ASCC3: variants seen among roughly 807,000 people sequenced by gnomAD.
ASCC3 encodes ASC-1 complex subunit P200.
ASCC3 carries 158 observed loss-of-function variants against 256.3 expected under a neutral mutation model. The observed-to-expected ratio is 0.62, with a 90% CI of 0.54 to 0.70. The LOEUF (loss-of-function observed/expected upper bound fraction) is 0.70, where lower values mean the gene tolerates loss of function less well. Among genes scored for constraint, ASCC3 ranks in the 30% least tolerant of loss-of-function variants. The pLI is 0.00. For missense variants in ASCC3, 2,259 were observed against 2,626.0 expected, an observed-to-expected ratio of 0.86 and a Z score of 3.05; for synonymous variants, 948 against 883.4, an observed-to-expected ratio of 1.07 and a Z score of -1.30.
intron 36 of ASCC3, among the ~76,000 whole-genome samples, chr6:100,559,606 T>C (rs984429829): frequency 6.6e-6 from 1 of 152,112 alleles, no homozygotes; most frequent in Non-Finnish European, 1.5e-5. Context: ...TCCTAGCACT[T>C]TGGGAGGCCA....
chr6:100,598,822 T>C (rs13206933), intron 34 of ASCC3, among the ~76,000 whole-genome samples: 1 of 152,134 alleles, frequency 6.6e-6, no homozygotes, highest in African/African-American at 2.4e-5. Context: ...ACCCCCTATA[T>C]AATACATTTA....
intron 4 of ASCC3, among the ~76,000 whole-genome samples, chr6:100,822,536 CAAAA>C (rs34408420): frequency 1.6e-4 from 18 of 113,076 alleles, no homozygotes; most frequent in Admixed American, 3.6e-4. Flanking sequence ...ACTCCGTCTC[CAAAA>C]AAAAAAAAAA....
At position 100,608,179 on chromosome 6, in the gene ASCC3, T is replaced by TA. The variant is rs1491215966; in HGVS notation, c.4786-1092_4786-1091insT. Among the ~76,000 whole-genome samples the TA allele has an allele frequency of 2.0e-4, 24 of 118,288 alleles. 2 individuals are homozygous for TA. The highest frequency in any genetic ancestry group is 6.9e-4 in the African/African-American group (21 of 30,270). 77.6% of individuals were successfully genotyped at this position (118,288 alleles called of 152,430 possible). A position where few individuals can be genotyped will look rare whatever the true frequency, so the allele number is the denominator to read the frequency against. On this transcript the variant is annotated intron_variant, in intron 30 of 41. Transcript: ENST00000369162. ...ACATATTTATATACATATTTATATA[T>TA]GTGTGTGTATATATATACTTTATAT...
intron 34 of ASCC3, among the ~76,000 whole-genome samples, chr6:100,597,973 CAAAAA>C (rs34634494): frequency 2.3e-5 from 2 of 88,046 alleles, no homozygotes; most frequent in African/African-American, 4.2e-5. Context: ...GACTCCGTCT[CAAAAA>C]AAAAAAAAAA....
intron 10 of ASCC3, among the ~76,000 whole-genome samples, chr6:100,750,285 A>G (rs550977775): frequency 6.6e-6 from 1 of 152,078 alleles, no homozygotes; most frequent in Non-Finnish European, 1.5e-5. Context: ...TCAAAGGTAT[A>G]TGATGAGAAC....
At chr6:100,673,631 T>C (rs1460906480) in intron 14 of ASCC3, among the ~76,000 whole-genome samples, 2 of 152,200 alleles carry the variant, frequency 1.3e-5, no homozygotes, top group African/African-American at 4.8e-5. Context: ...GTCTCACTTA[T>C]TCAAAGTGAA....
At chr6:100,877,389 T>C (rs150327409) in intron 1 of ASCC3, among the ~76,000 whole-genome samples, 1 of 152,166 alleles carries the variant, frequency 6.6e-6, no homozygotes, top group African/African-American at 2.4e-5. Flanking sequence ...CCTTGAAAAA[T>C]GAACAGTGAA....
At chr6:100,568,782 TA>T (rs1362357295) in intron 36 of ASCC3, among the ~76,000 whole-genome samples, 2,032 of 147,986 alleles carry the variant, frequency 0.014, 55 homozygotes, top group African/African-American at 0.047. Context: ...TTATTATTAT[TA>T]TTATTATTTT....
At chr6:100,642,892 A>G (rs1044023950) in intron 23 of ASCC3, 143 bp from the exon 24 acceptor site, 41 of 860,084 alleles carry the variant, frequency 4.8e-5, no homozygotes, top group Non-Finnish European at 6.4e-5. Flanking sequence ...AGATATTCGG[A>G]AACTTTAGAA....
intron 1 of ASCC3, among the ~76,000 whole-genome samples, chr6:100,876,073 A>G (rs140648507): frequency 6.6e-6 from 1 of 152,318 alleles, no homozygotes; most frequent in East Asian, 1.9e-4. Context: ...ACTGTGACTG[A>G]TGGAGTAGGG....
chr6:100,870,191 T>TA (rs1773667373), intron 1 of ASCC3, among the ~76,000 whole-genome samples: 1 of 150,550 alleles, frequency 6.6e-6, no homozygotes, highest in Non-Finnish European at 1.5e-5. Flanking sequence ...AACTTGATTT[T>TA]AAAAAATGCA....
In ASCC3 at chr6:100,803,376, T is replaced by C. The variant is rs143720568; in HGVS notation, c.922+2384A>G. On this transcript the variant is annotated intron_variant, in intron 5 of 41. Transcript: ENST00000369162. ...ATTGAGTTCTCAGGAGGTCTGATAG[T>C]TTTATAAGTGTTTGGCAAGTTCCTC... Among the ~76,000 whole-genome samples the C allele has an allele frequency of 6.5e-3, 982 of 152,188 alleles. 8 individuals are homozygous for C. Among genetic ancestry groups the C allele is most frequent in the Non-Finnish European group, 7.2e-3 (487 of 67,996 alleles).
rs540038824 is a variant in ASCC3 at position 100,675,983 on chromosome 6, G to A, written c.2286+3635C>T. ...CAGTGAAAAACAATGGCTTAATAACGAAAATATATGCATCTTTAATTATAT... is the reference window on the plus strand; with the variant it reads ...CAGTGAAAAACAATGGCTTAATAACAAAAATATATGCATCTTTAATTATAT... On this transcript the variant is annotated intron_variant, in intron 14 of 41. Coordinates refer to ENST00000369162, the MANE Select transcript of ASCC3 (RefSeq NM_006828.4). Among the ~76,000 whole-genome samples the A allele has an allele frequency of 2.1e-3, 312 of 152,112 alleles. No homozygotes were observed. The Middle Eastern group carries it at 0.024, about 12-fold the overall frequency.
At chr6:100,681,875 T>C (rs1217736694) in intron 13 of ASCC3, among the ~76,000 whole-genome samples, 1 of 152,162 alleles carries the variant, frequency 6.6e-6, no homozygotes, top group African/African-American at 2.4e-5. Context: ...ATAGGCTCTC[T>C]AGCTTTCATG....
chr6:100,587,595 A>G (rs560717746), intron 36 of ASCC3, among the ~76,000 whole-genome samples: 1 of 152,322 alleles, frequency 6.6e-6, no homozygotes, highest in African/African-American at 2.4e-5. Context: ...ACTAAACACC[A>G]TGGGAGAAGA....
chr6:100,582,487 C>A (rs1225883514), intron 36 of ASCC3, among the ~76,000 whole-genome samples: 1 of 151,624 alleles, frequency 6.6e-6, no homozygotes, highest in Admixed American at 6.6e-5. Context: ...AGATTTTGGG[C>A]TGAGACAATG....
chr6:100,872,477 G>GGA (rs1297097193), intron 1 of ASCC3, among the ~76,000 whole-genome samples: 1 of 114,054 alleles, frequency 8.8e-6, no homozygotes, highest in Non-Finnish European at 1.8e-5. Flanking sequence ...GTCGGGGGGG[G>GGA]ATCATGGCAG....
intron 36 of ASCC3, among the ~76,000 whole-genome samples, chr6:100,571,061 T>A (rs963668354): frequency 1.3e-5 from 2 of 152,136 alleles, no homozygotes; most frequent in Admixed American, 6.5e-5. Flanking sequence ...ATCCCACCAA[T>A]GGCTCCTCTG....
At chr6:100,733,711 T>TTA (rs1780015106) in intron 10 of ASCC3, among the ~76,000 whole-genome samples, 2 of 152,200 alleles carry the variant, frequency 1.3e-5, no homozygotes, top group South Asian at 4.1e-4. Flanking sequence ...AGACAATTAC[T>TTA]TATAGTTCCT....
Sources: allele counts gnomAD v4.1 joint callset (sites outside exome capture counted in the v4.1 genomes callset), GRCh38; gene constraint gnomAD v4.1.1; transcripts MANE v1.5; gene names NCBI Gene and HGNC (gene_info 2026-07-23, HGNC 2026-07-21).